UMPS: variants seen among roughly 807,000 people sequenced by gnomAD.
UMPS encodes the protein uridine 5'-monophosphate synthase.
Under a neutral mutation model 38.9 loss-of-function variants are expected in UMPS, and 21 were observed. The ratio of observed to expected loss-of-function variants is 0.54; its 90% CI spans 0.38 to 0.78. The LOEUF is 0.78. Among genes scored for constraint, UMPS ranks in the 30% least tolerant of loss-of-function variants. The pLI, the probability that UMPS is intolerant of heterozygous loss-of-function variation, is 0.00. For missense variants in UMPS, 533 were observed against 591.6 expected, an observed-to-expected ratio of 0.90 and a Z score of 1.03; for synonymous variants, 208 against 219.3, an observed-to-expected ratio of 0.95 and a Z score of 0.45.
chr3:124,736,982 T>C (rs2063522602), intron 2 of UMPS, among the ~76,000 whole-genome samples: 1 of 152,230 alleles, frequency 6.6e-6, no homozygotes, highest in Non-Finnish European at 1.5e-5. Context: ...CTTCAAAAAG[T>C]CAATTATTTG....
Position 124,730,748 on chromosome 3 carries a change from C to A in UMPS, c.156+121C>A. 3 of 1,193,900 alleles carry A rather than the reference C, an allele frequency of 2.5e-6. No individual in the cohort carries two copies. In the South Asian group the frequency reaches 4.6e-5, roughly 18 times the overall value. The allele number at this position is 1,193,900 out of a possible 1,614,324, so 74.0% of individuals were successfully genotyped here. On this transcript the variant is annotated intron_variant, in intron 1 of 5. Transcript: ENST00000232607. ...AAAAGAGCCAAGCAGGCAGACCGACCCTACTCTTGGTTTGGGGAGTAAGCA... is the reference window on the plus strand; with the variant it reads ...AAAAGAGCCAAGCAGGCAGACCGACACTACTCTTGGTTTGGGGAGTAAGCA...
intron 3 of UMPS, 92 bp downstream of exon 3, chr3:124,738,331 C>A: frequency 7.2e-7 from 1 of 1,394,870 alleles, no homozygotes; most frequent in South Asian, 1.2e-5. Flanking sequence ...AAAGTCCATT[C>A]ATAGAGCAGG....
Position 124,743,918 on chromosome 3 carries a change from A to G in UMPS, c.1277A>G (p.Asp426Gly). The G allele has an allele frequency of 6.2e-7, 1 of 1,614,082 alleles. No homozygotes were observed. The highest frequency in any genetic ancestry group is 1.1e-5 in the South Asian group (1 of 91,082). ...ACAATTTTTGTGTTTCTTGCAGGAG[A>G]TAATCTTGGCCAACAGTACAATAGC... Reference protein sequence around the residue: ...TPGVQLEAGGDNLGQQYNSPQ... With the variant: ...TPGVQLEAGGGNLGQQYNSPQ... The change falls in exon 6 of 6, where the codon GAT (aspartate) becomes GGT (glycine). Residue 426 changes from aspartate (D) to glycine (G), a missense_variant. Transcript: ENST00000232607.
In UMPS at chr3:124,748,074, A is replaced by T. The variant is rs77082052; in HGVS notation, c.*3990A>T. ...TTGGAGTTATATTTTTAAAATATAT[A>T]TTTTAACAGTTATATATATTAGATA... On this transcript the variant is annotated 3_prime_UTR_variant, in exon 6 of 6. Transcript: ENST00000232607. The T allele has an allele frequency of 0.18, 71,579 of 389,990 alleles. 7,225 individuals carry two copies. Among genetic ancestry groups the T allele is most frequent in the Admixed American group, 0.28 (9,073 of 32,164 alleles). The allele number at this position is 389,990 out of a possible 1,614,324, so 24.2% of individuals were successfully genotyped here. A position where few individuals can be genotyped will look rare whatever the true frequency, so the allele number is the denominator to read the frequency against.
chr3:124,732,485 G>C (rs1185944356), intron 1 of UMPS: 2 of 154,802 alleles, frequency 1.3e-5, no homozygotes, highest in Non-Finnish European at 2.9e-5. Flanking sequence ...TCTGAGACTA[G>C]ACCTGAGGTT....
At chr3:124,739,770 G>A (rs2063543350) in intron 3 of UMPS, among the ~76,000 whole-genome samples, 1 of 152,222 alleles carries the variant, frequency 6.6e-6, no homozygotes, top group Non-Finnish European at 1.5e-5. Flanking sequence ...TAGTGTTCCA[G>A]ATAAGCCAAG....
rs1559911779 is a variant in UMPS, at chr3:124,749,191, C to T, written c.*5107C>T. 1 of 453,972 alleles carries T rather than the reference C, an allele frequency of 2.2e-6. No homozygotes were observed. The highest frequency in any genetic ancestry group is 6.9e-5 in the East Asian group (1 of 14,392). 28.1% of individuals were successfully genotyped at this position (453,972 alleles called of 1,614,324 possible). A position where few individuals can be genotyped will look rare whatever the true frequency, so the allele number is the denominator to read the frequency against. On this transcript the variant is annotated 3_prime_UTR_variant, in exon 6 of 6. Coordinates refer to ENST00000232607, the MANE Select transcript of UMPS (RefSeq NM_000373.4). The stretch of plus-strand genomic sequence containing the variant: ...CCACAACTTGAATAGATACTTGAAG[C>T]AGAGATGATGTTGAGTTAAAAAAAA...
chr3:124,741,538 G>A (rs1239652931), intron 4 of UMPS, among the ~76,000 whole-genome samples: 2 of 152,154 alleles, frequency 1.3e-5, no homozygotes, highest in African/African-American at 2.4e-5. Flanking sequence ...TCTTGAAAGC[G>A]TAGCTGTTCT....
rs564908931 is a variant in UMPS, at chr3:124,746,873, T to C, written c.*2789T>C. ...TCCTCTTATTTTAGAGCTCCCAAAGTGTAGCTCCAGAATCGTAAAGGGATA... is the reference window on the plus strand; with the variant it reads ...TCCTCTTATTTTAGAGCTCCCAAAGCGTAGCTCCAGAATCGTAAAGGGATA... On this transcript the variant is annotated 3_prime_UTR_variant, in exon 6 of 6. Coordinates refer to ENST00000232607, the MANE Select transcript of UMPS (RefSeq NM_000373.4). The C allele has an allele frequency of 4.6e-5, 21 of 452,722 alleles. No individual in the cohort carries two copies. The highest frequency in any genetic ancestry group is 1.2e-4 in the Admixed American group (5 of 42,498). The allele number at this position is 452,722 out of a possible 1,614,324, so 28.0% of individuals were successfully genotyped here.
At chr3:124,737,517 C>T (rs1222963947) in intron 2 of UMPS, 51 bp from the exon 3 acceptor site, 10 of 1,524,286 alleles carry the variant, frequency 6.6e-6, no homozygotes, top group African/African-American at 4.1e-5. Flanking sequence ...TATATACGCA[C>T]ATATACATAC....
chr3:124,737,064 T>G (rs907082812), intron 2 of UMPS: 4 of 155,606 alleles, frequency 2.6e-5, no homozygotes, highest in African/African-American at 9.6e-5. Context: ...TACTGGATTA[T>G]TCTGTTTCAT....
intron 2 of UMPS, chr3:124,737,319 T>G: frequency 2.1e-6 from 1 of 469,902 alleles, no homozygotes. Flanking sequence ...AAGCAGTGTT[T>G]ATAATGTGAA....
At chr3:124,742,884 T>C (rs939230117) in intron 5 of UMPS, among the ~76,000 whole-genome samples, 4 of 152,224 alleles carry the variant, frequency 2.6e-5, no homozygotes, top group African/African-American at 9.6e-5. Context: ...TTGTATTTTT[T>C]TGATATTGAA....
rs748544375 is a variant in UMPS, at chr3:124,747,014, T to C, written c.*2930T>C. On this transcript the variant is annotated 3_prime_UTR_variant, in exon 6 of 6. Transcript: ENST00000232607. ...GCCGAGGGCTGGTTTTTTGTTTTGT[T>C]TTGTTTGTTTGATACAGGGTCTTCA... 7.4e-6 allele frequency: 3 copies of C among 404,934 alleles called. No individual in the cohort carries two copies. The highest frequency in any genetic ancestry group is 4.8e-5 in the South Asian group (3 of 62,688). 25.1% of individuals were successfully genotyped at this position (404,934 alleles called of 1,614,324 possible).
rs187831129 is a variant in UMPS at position 124,745,949 on chromosome 3, A to T, written c.*1865A>T. 44 of 453,818 alleles carry T rather than the reference A, an allele frequency of 9.7e-5. No individual in the cohort carries two copies. Among genetic ancestry groups the T allele is most frequent in the Admixed American group, 1.6e-4 (7 of 42,538 alleles). The allele number at this position is 453,818 out of a possible 1,614,324, so 28.1% of individuals were successfully genotyped here. The stretch of plus-strand genomic sequence containing the variant: ...ACCAGCCCCACCCGCAGCGTTTCTG[A>T]CTCTGGGTAGCTCTGGGATGGGGCT... On this transcript the variant is annotated 3_prime_UTR_variant, in exon 6 of 6. Transcript: ENST00000232607.
Position 124,737,497 on chromosome 3 carries a change from T to C in UMPS, c.311-71T>C, listed in dbSNP as rs1321286765. The C allele has an allele frequency of 7.1e-6, 10 of 1,412,122 alleles. No individual in the cohort carries two copies. In the East Asian group the frequency reaches 2.3e-4, roughly 32 times the overall value. The allele number at this position is 1,412,122 out of a possible 1,614,324, so 87.5% of individuals were successfully genotyped here. On this transcript the variant is annotated intron_variant, in intron 2 of 5. Transcript: ENST00000232607. ...TAACTGGCAAGTTTTGTATACAGAG[T>C]GTGTGTACGTATATACGCACATATA...
Position 124,744,110 on chromosome 3 carries a change from C to T in UMPS, c.*26C>T, listed in dbSNP as rs771969442. 8.1e-6 allele frequency: 13 copies of T among 1,613,032 alleles called. No individual in the cohort carries two copies. The East Asian group carries it at 2.5e-4, about 30-fold the overall frequency. Reference sequence around the variant, plus strand: ...GTGCTTCAGATACATTTTTCAGATACAATGTGAAGACATTGAAGATATGTG... The same window carrying T: ...GTGCTTCAGATACATTTTTCAGATATAATGTGAAGACATTGAAGATATGTG... On this transcript the variant is annotated 3_prime_UTR_variant, in exon 6 of 6. Transcript: ENST00000232607.
chr3:124,744,078 T>C lies in UMPS; in HGVS notation c.1437T>C (p.Gly479=), dbSNP rs1354667874. The C allele has an allele frequency of 6.2e-7, 1 of 1,614,006 alleles. No individual in the cohort carries two copies. The stretch of plus-strand genomic sequence containing the variant: ...GGGAAGCGTATTTGAGTAGACTTGG[T>C]GTTTGAGTGCTTCAGATACATTTTT... ...AAWEAYLSRL[G]V The change falls in exon 6 of 6, where the codon GGT becomes GGC. Residue 479 remains glycine, a synonymous_variant. Transcript: ENST00000232607.
rs201303915 is a variant in UMPS at position 124,742,186 on chromosome 3, T to C, written c.1193T>C (p.Val398Ala). 3 of 1,614,124 alleles carry C rather than the reference T, an allele frequency of 1.9e-6. No homozygotes were observed. The highest frequency in any genetic ancestry group is 2.5e-6 in the Non-Finnish European group (3 of 1,180,016). ...RMAEEHSEFV[V>A]GFISGSRVSM... ...GCTGAGGAGCACTCTGAATTTGTTG[T>C]TGGTTTTATTTCTGGCTCCCGAGTA... Residue 398 changes from valine to alanine, a missense_variant, in exon 5 of 6, where the codon GTT becomes GCT. Transcript: ENST00000232607.
Sources: gnomAD v4.1 joint callset for allele counts (sites outside exome capture counted in the v4.1 genomes callset) on GRCh38, gnomAD v4.1.1 for gene constraint, MANE v1.5 for transcripts, NCBI Gene and HGNC (gene_info 2026-07-23, HGNC 2026-07-21) for gene names.